Variants in EPHB2 observed in about 807,000 individuals in gnomAD.
EPHB2 encodes ephrin type-B receptor 2.
A neutral mutation model predicts 96.4 loss-of-function variants in EPHB2; 18 were observed. That is an observed-to-expected ratio of 0.19 (90% CI 0.13 to 0.28). EPHB2 has a LOEUF of 0.28. Ranked by LOEUF, EPHB2 falls within the 10% of genes least tolerant of loss-of-function variation. EPHB2 has a pLI of 1.00. For missense variants in EPHB2, 989 were observed against 1,355.4 expected (o/e 0.73, Z 4.25); for synonymous variants, 506 against 534.1 (o/e 0.95, Z 0.72).
intron 1 of EPHB2, among the ~76,000 whole-genome samples, chr1:22,724,647 C>T (rs767005475): frequency 2.6e-5 from 4 of 152,200 alleles, no homozygotes; most frequent in Admixed American, 6.5e-5. Context: ...AATCTTAGGG[C>T]ACCCACTTTT....
chr1:22,890,097 G>A (rs2746336), intron 6 of EPHB2, among the ~76,000 whole-genome samples: 18,379 of 152,092 alleles, frequency 0.12, 3,599 homozygotes, highest in African/African-American at 0.41. Context: ...CTAAGGAGTC[G>A]GCCTTCACCC....
At chr1:22,740,073 G>A (rs1282157909) in intron 1 of EPHB2, among the ~76,000 whole-genome samples, 6 of 152,128 alleles carry the variant, frequency 3.9e-5, no homozygotes, top group Non-Finnish European at 7.4e-5. Context: ...TTGAAGCTTC[G>A]GGTCCAAACG....
Position 22,915,680 on chromosome 1 carries a change from C to G in EPHB2, c.*2110C>G, listed in dbSNP as rs1018968420. On this transcript the variant is annotated 3_prime_UTR_variant, in exon 16 of 16. Coordinates refer to ENST00000374630, the MANE Select transcript of EPHB2 (RefSeq NM_017449.5). ...GCTGTCATAGTGGGAACGTGAGGGT[C>G]TTAGAGTGCTCATGTACCCCCAGGC... is the stretch of plus-strand genomic sequence containing the variant. 44 of 152,278 alleles carry G rather than the reference C, an allele frequency of 2.9e-4. 1 individual carries two copies. Among genetic ancestry groups the G allele is most frequent in the African/African-American group, 1.0e-3 (42 of 41,518 alleles). 9.4% of individuals were successfully genotyped at this position (152,278 alleles called of 1,614,324 possible).
At chr1:22,776,078 A>G (rs942122406) in intron 1 of EPHB2, among the ~76,000 whole-genome samples, 4 of 152,154 alleles carry the variant, frequency 2.6e-5, no homozygotes. Flanking sequence ...CTAACCGTTC[A>G]TGGCCCTGTC....
chr1:22,791,473 T>TTC (rs1477985883), intron 3 of EPHB2, among the ~76,000 whole-genome samples: 31 of 81,556 alleles, frequency 3.8e-4, no homozygotes, highest in South Asian at 9.4e-4. Context: ...CTTTCTTTCT[T>TTC]TTTTTTTTTT....
rs1057511242 is a variant in EPHB2, at chr1:22,741,237, C to T, written c.61+30194C>T. Among the ~76,000 whole-genome samples the T allele has an allele frequency of 4.6e-5, 7 of 152,242 alleles. No individual in the cohort carries two copies. The East Asian group carries it at 1.4e-3, about 29-fold the overall frequency. ...CTTTCCCAGCGGCAGCCCTGGGAGACATCTCCTCTCTCGCTATGGGGCTGC... is the reference window on the plus strand; with the variant it reads ...CTTTCCCAGCGGCAGCCCTGGGAGATATCTCCTCTCTCGCTATGGGGCTGC... On this transcript the variant is annotated intron_variant, in intron 1 of 15. Coordinates refer to ENST00000374630, the MANE Select transcript of EPHB2 (RefSeq NM_017449.5).
intron 3 of EPHB2, among the ~76,000 whole-genome samples, chr1:22,806,898 A>C (rs1644935183): frequency 2.9e-5 from 4 of 137,442 alleles, no homozygotes; most frequent in African/African-American, 8.1e-5. Context: ...CCTCGTCACC[A>C]CCCCCCAGCC....
chr1:22,734,499 G>A (rs1643783633), intron 1 of EPHB2, among the ~76,000 whole-genome samples: 1 of 148,392 alleles, frequency 6.7e-6, no homozygotes, highest in Admixed American at 6.8e-5. Flanking sequence ...TCTGCTCACT[G>A]CAACCTCTGC....
Position 22,867,430 on chromosome 1 carries a change from TG to T in EPHB2, c.1303+2219del, listed in dbSNP as rs138908610. Reference sequence around the variant, plus strand: ...TGTTTGTGTCTGAGGAGTGTGGTTTTGTTTGGGAATGTTGGTGGTGTTGCTG... The same window carrying T: ...TGTTTGTGTCTGAGGAGTGTGGTTTTTTTGGGAATGTTGGTGGTGTTGCTG... On this transcript the variant is annotated intron_variant, in intron 5 of 15. Transcript: ENST00000374630. Among the ~76,000 whole-genome samples, 31 of 152,236 alleles carry T rather than the reference TG, an allele frequency of 2.0e-4. 1 individual carries two copies. Among genetic ancestry groups the T allele is most frequent in the Middle Eastern group, 6.8e-3 (2 of 294 alleles).
chr1:22,760,881 C>T (rs1390858564), intron 1 of EPHB2, among the ~76,000 whole-genome samples: 3 of 152,144 alleles, frequency 2.0e-5, no homozygotes, highest in African/African-American at 7.2e-5. Flanking sequence ...CTTTCATCCT[C>T]CCGACGAGCC....
At chr1:22,877,915 G>T (rs1287769324) in intron 5 of EPHB2, among the ~76,000 whole-genome samples, 2 of 152,256 alleles carry the variant, frequency 1.3e-5, no homozygotes, top group Non-Finnish European at 1.5e-5. Context: ...TCAGTGGGGG[G>T]TGTTGTGGGG....
intron 3 of EPHB2, among the ~76,000 whole-genome samples, chr1:22,814,738 G>A (rs1645048204): frequency 6.6e-6 from 1 of 152,220 alleles, no homozygotes; most frequent in Non-Finnish European, 1.5e-5. Context: ...GCCCAGGGAG[G>A]CGGGGAAGAA....
At chr1:22,758,845 C>T (rs1194113836) in intron 1 of EPHB2, among the ~76,000 whole-genome samples, 1 of 148,932 alleles carries the variant, frequency 6.7e-6, no homozygotes, top group Non-Finnish European at 1.5e-5. Context: ...CTATTGGGGG[C>T]CCAGCCAGGT....
At chr1:22,898,258 G>A (rs778394575) in intron 9 of EPHB2, among the ~76,000 whole-genome samples, 1 of 152,170 alleles carries the variant, frequency 6.6e-6, no homozygotes, top group African/African-American at 2.4e-5. Flanking sequence ...GTAACGGACC[G>A]AGAGTTGTGG....
Position 22,767,037 on chromosome 1 carries a change from A to G in EPHB2, c.62-14384A>G, listed in dbSNP as rs186664824. On this transcript the variant is annotated intron_variant, in intron 1 of 15. Transcript: ENST00000374630. ...GCTCAGGAACAAGGCCGGGTCTGCC[A>G]TGTTTGTGGGCTTAGCACAAGGCCA... Among the ~76,000 whole-genome samples the G allele has an allele frequency of 3.2e-4, 48 of 152,318 alleles. No homozygotes were observed. The East Asian group carries it at 8.5e-3, about 27-fold the overall frequency.
chr1:22,870,194 C>T (rs1251640696), intron 5 of EPHB2, among the ~76,000 whole-genome samples: 1 of 152,212 alleles, frequency 6.6e-6, no homozygotes, highest in African/African-American at 2.4e-5. Flanking sequence ...CTCGCAATCC[C>T]TTGGCATTCA....
chr1:22,893,152 C>T (rs1313725989), intron 7 of EPHB2, 106 bp downstream of exon 7: 216 of 1,563,970 alleles, frequency 1.4e-4, no homozygotes, highest in Non-Finnish European at 1.8e-4. Context: ...AGAAAAGGCA[C>T]TCCCTTCTAG....
At chr1:22,831,947 C>G (rs535181307) in intron 3 of EPHB2, among the ~76,000 whole-genome samples, 11 of 152,158 alleles carry the variant, frequency 7.2e-5, no homozygotes, top group African/African-American at 2.7e-4. Flanking sequence ...CCCACATAAA[C>G]CTGCAAAGGG....
intron 1 of EPHB2, among the ~76,000 whole-genome samples, chr1:22,775,662 C>T (rs1016035457): frequency 1.3e-5 from 2 of 152,214 alleles, no homozygotes; most frequent in African/African-American, 2.4e-5. Flanking sequence ...GAGGGGCCAT[C>T]GGGCCTCCCC....
Sources: gnomAD v4.1 joint callset for allele counts (sites outside exome capture counted in the v4.1 genomes callset) on GRCh38, gnomAD v4.1.1 for gene constraint, MANE v1.5 for transcripts, NCBI Gene and HGNC (gene_info 2026-07-23, HGNC 2026-07-21) for gene names.